The following NEBL variants were observed in gnomAD, a reference collection of about 807,000 sequenced individuals.
NEBL encodes nebulette.
A neutral mutation model predicts 140.2 loss-of-function variants in NEBL; 122 were observed. The ratio of observed to expected loss-of-function variants is 0.87; its 90% CI spans 0.75 to 1.01. The LOEUF is 1.01. Among genes scored for constraint, NEBL ranks in the 50% least tolerant of loss-of-function variants. NEBL has a pLI of 0.00. For synonymous variants in NEBL, 436 were observed against 398.9 expected (o/e 1.09, Z -1.11); for missense variants, 1,365 against 1,231.3 (o/e 1.11, Z -1.62).
intron 2 of NEBL, among the ~76,000 whole-genome samples, chr10:21,115,152 A>G (rs190153472): frequency 1.5e-3 from 225 of 152,004 alleles, no homozygotes; most frequent in Admixed American, 3.3e-3. Flanking sequence ...ATACCACTTT[A>G]TATATATTAT....
intron 3 of NEBL, among the ~76,000 whole-genome samples, chr10:21,240,113 A>G (rs1015367743): frequency 1.3e-5 from 2 of 152,158 alleles, no homozygotes; most frequent in African/African-American, 4.8e-5. Context: ...TAGCCTAACA[A>G]CCTGTACATA....
At chr10:21,171,404 A>G (rs1841071712) in intron 2 of NEBL, 2 of 152,096 alleles carry the variant, frequency 1.3e-5, no homozygotes, top group Non-Finnish European at 2.9e-5. Flanking sequence ...CATCAGGGCC[A>G]AGAGCTTACA....
intron 3 of NEBL, among the ~76,000 whole-genome samples, chr10:21,181,290 A>T (rs1841382873): frequency 6.6e-6 from 1 of 151,934 alleles, no homozygotes; most frequent in Non-Finnish European, 1.5e-5. Flanking sequence ...ATCCAAAGTG[A>T]ATGTAGCCAC....
chr10:21,090,999 C>T (rs917715972), intron 2 of NEBL, among the ~76,000 whole-genome samples: 1 of 152,110 alleles, frequency 6.6e-6, no homozygotes, highest in African/African-American at 2.4e-5. Context: ...CCCAGCCACC[C>T]CAACTAGAAC....
chr10:21,104,601 C>T lies in NEBL; in HGVS notation c.164+67782G>A, dbSNP rs115302239. Among the ~76,000 whole-genome samples the T allele has an allele frequency of 7.5e-3, 1,144 of 152,228 alleles. 17 individuals are homozygous for T. Among genetic ancestry groups the T allele is most frequent in the African/African-American group, 0.025 (1,043 of 41,518 alleles). On this transcript the variant is annotated intron_variant, in intron 2 of 6. Transcript: ENST00000417816. The stretch of plus-strand genomic sequence containing the variant: ...ATATACTGCATTCTCACTAAACTCA[C>T]GTATTAGTTCAGTTGATTTTTTTTT...
At chr10:21,248,631 G>A (rs1422223411) in intron 2 of NEBL, among the ~76,000 whole-genome samples, 1 of 152,128 alleles carries the variant, frequency 6.6e-6, no homozygotes, top group Non-Finnish European at 1.5e-5. Flanking sequence ...TGAACATGAG[G>A]TTATAAATAT....
intron 4 of NEBL, among the ~76,000 whole-genome samples, chr10:20,946,125 A>C (rs950907922): frequency 6.6e-6 from 1 of 152,186 alleles, no homozygotes; most frequent in Non-Finnish European, 1.5e-5. Flanking sequence ...CAGATGATTG[A>C]CAGGCCCCTG....
At chr10:21,143,244 T>C (rs1238635029) in intron 2 of NEBL, among the ~76,000 whole-genome samples, 3 of 150,658 alleles carry the variant, frequency 2.0e-5, no homozygotes, top group Middle Eastern at 3.2e-3. Flanking sequence ...AAGTCAGGGG[T>C]TTGAGATCAG....
intron 4 of NEBL, among the ~76,000 whole-genome samples, chr10:20,882,019 A>G (rs1846054326): frequency 6.6e-6 from 1 of 152,136 alleles, no homozygotes; most frequent in African/African-American, 2.4e-5. Flanking sequence ...TCTCTACTAA[A>G]TATCGAAAAT....
At chr10:21,049,700 G>C (rs1284724792) in intron 2 of NEBL, among the ~76,000 whole-genome samples, 3 of 152,032 alleles carry the variant, frequency 2.0e-5, no homozygotes, top group Non-Finnish European at 4.4e-5. Flanking sequence ...CTGCTTTACT[G>C]CTGGTTCACT....
At chr10:21,138,847 G>A (rs1232930260) in intron 2 of NEBL, among the ~76,000 whole-genome samples, 1 of 150,732 alleles carries the variant, frequency 6.6e-6, no homozygotes, top group Admixed American at 6.6e-5. Flanking sequence ...AAAGATTAAT[G>A]GGACAGAATA....
At chr10:21,185,733 T>A (rs112230803) in intron 3 of NEBL, among the ~76,000 whole-genome samples, 1 of 151,898 alleles carries the variant, frequency 6.6e-6, no homozygotes, top group South Asian at 2.1e-4. Flanking sequence ...CTGACCTCAG[T>A]TGATCCACCT....
chr10:20,986,897 A>C (rs2131676649), intron 3 of NEBL, among the ~76,000 whole-genome samples: 1 of 152,266 alleles, frequency 6.6e-6, no homozygotes, highest in South Asian at 2.1e-4. Flanking sequence ...TCTTCTTTTT[A>C]TTTCATTCAG....
intron 1 of NEBL, among the ~76,000 whole-genome samples, chr10:21,252,049 C>T (rs921020393): frequency 5.9e-5 from 9 of 152,212 alleles, no homozygotes; most frequent in African/African-American, 2.2e-4. Flanking sequence ...CGCTTCTCTT[C>T]ATTCTGTGTC....
intron 4 of NEBL, among the ~76,000 whole-genome samples, chr10:20,952,486 G>GT (rs966472554): frequency 6.3e-4 from 95 of 150,344 alleles, no homozygotes; most frequent in African/African-American, 1.8e-3. Context: ...ATAGGAGGAA[G>GT]TTTTTTTTCT....
chr10:21,269,758 G>A (rs1388875010), intron 1 of NEBL, among the ~76,000 whole-genome samples: 2 of 152,190 alleles, frequency 1.3e-5, no homozygotes, highest in Admixed American at 6.5e-5. Context: ...CATATATAGT[G>A]AGAGTAAATG....
intron 1 of NEBL, among the ~76,000 whole-genome samples, chr10:21,273,515 A>G (rs1340541233): frequency 2.0e-5 from 3 of 152,174 alleles, no homozygotes; most frequent in Non-Finnish European, 4.4e-5. Context: ...CTGAGATCCA[A>G]TTTGTGAGGC....
At chr10:21,095,753 A>C (rs1302707813) in intron 2 of NEBL, among the ~76,000 whole-genome samples, 2 of 152,222 alleles carry the variant, frequency 1.3e-5, no homozygotes, top group Non-Finnish European at 2.9e-5. Context: ...TGATGCAATG[A>C]GATGTAATAT....
At chr10:21,155,724 G>A (rs907619561) in intron 2 of NEBL, among the ~76,000 whole-genome samples, 1 of 152,184 alleles carries the variant, frequency 6.6e-6, no homozygotes, top group Non-Finnish European at 1.5e-5. Context: ...GAGTGAAATA[G>A]GGAAAACATT....
Sources: gnomAD v4.1 joint callset for allele counts (sites outside exome capture counted in the v4.1 genomes callset) on GRCh38, gnomAD v4.1.1 for gene constraint, MANE v1.5 for transcripts, NCBI Gene and HGNC (gene_info 2026-07-23, HGNC 2026-07-21) for gene names.